Variants in ANKDD1B observed in about 807,000 individuals in gnomAD.
The protein encoded by ANKDD1B is ankyrin repeat and death domain containing 1B, also known as ankyrin repeat and death domain-containing protein 1B.
In ANKDD1B, 57 loss-of-function variants were observed where a neutral mutation model predicts 59.7. The observed-to-expected ratio is 0.95, with a 90% CI of 0.77 to 1.19. ANKDD1B has a LOEUF of 1.19. ANKDD1B is among the 50% of genes most tolerant of loss of function. ANKDD1B has a pLI of 0.00. For synonymous variants in ANKDD1B, 216 were observed against 239.5 expected (o/e 0.90, Z 0.91); for missense variants, 602 against 641.9 (o/e 0.94, Z 0.67).
At chr5:75,666,542 G>A (rs1254687864) in intron 11 of ANKDD1B, among the ~76,000 whole-genome samples, 1 of 151,896 alleles carries the variant, frequency 6.6e-6, no homozygotes, top group Non-Finnish European at 1.5e-5. Context: ...AGCAGCATGG[G>A]ACACAATAGG....
At chr5:75,620,497 C>A in intron 3 of ANKDD1B, 84 bp downstream of exon 3, 1 of 705,000 alleles carries the variant, frequency 1.4e-6, no homozygotes, top group Non-Finnish European at 2.3e-6. Flanking sequence ...ATCTTTTCTT[C>A]ACATACACAC....
At chr5:75,655,737 G>A (rs146774929) in intron 8 of ANKDD1B, among the ~76,000 whole-genome samples, 1 of 152,320 alleles carries the variant, frequency 6.6e-6, no homozygotes, top group East Asian at 1.9e-4. Context: ...TCCTGAGAAT[G>A]AGTTTGTTCA....
At chr5:75,636,959 T>C (rs1165340573) in intron 7 of ANKDD1B, among the ~76,000 whole-genome samples, 2 of 151,728 alleles carry the variant, frequency 1.3e-5, no homozygotes, top group African/African-American at 4.8e-5. Flanking sequence ...TGGAAACTGG[T>C]TCTGGAGCCG....
chr5:75,659,304 G>A lies in ANKDD1B; in HGVS notation c.1018G>A (p.Val340Ile). 6.5e-7 allele frequency: 1 copy of A among 1,535,992 alleles called. No individual in the cohort carries two copies. The highest frequency in any genetic ancestry group is 8.7e-7 in the Non-Finnish European group (1 of 1,146,798). ...LNQKQQTPLH[V>I]AADRGNVELV... is the part of the protein sequence containing the mutation. ...GCAGAAGCAGCAAACCCCTCTGCAT[G>A]TAGCTGCTGATCGTGGAAATGTGGA... is the stretch of plus-strand genomic sequence containing the variant. Residue 340 changes from valine (V) to isoleucine (I), a missense_variant, in exon 10 of 14, where the codon GTA becomes ATA. By Grantham distance (29) the Val-to-Ile change is conservative. Coordinates refer to ENST00000601380, the MANE Select transcript of ANKDD1B (RefSeq NM_001276713.2).
chr5:75,664,070 T>C (rs1179787632), intron 11 of ANKDD1B, among the ~76,000 whole-genome samples: 1 of 152,254 alleles, frequency 6.6e-6, no homozygotes, highest in African/African-American at 2.4e-5. Context: ...TTCAACTCCA[T>C]GCCCTCAGGC....
At chr5:75,631,644 G>A (rs115421371) in intron 5 of ANKDD1B, among the ~76,000 whole-genome samples, 164 of 152,210 alleles carry the variant, frequency 1.1e-3, no homozygotes, top group Non-Finnish European at 2.0e-3. Context: ...TCATCTGGGG[G>A]TCCAAAGACA....
chr5:75,611,583 T>TCTGGGTCCGAGTCTGGGTCTGGCC lies in ANKDD1B; in HGVS notation c.-48_-25dup, dbSNP rs1311059224. The TCTGGGTCCGAGTCTGGGTCTGGCC allele has an allele frequency of 2.4e-4, 255 of 1,084,194 alleles. No individual in the cohort carries two copies. The African/African-American group carries it at 3.9e-3, about 17-fold the overall frequency. 67.2% of individuals were successfully genotyped at this position (1,084,194 alleles called of 1,614,324 possible). A position where few individuals can be genotyped will look rare whatever the true frequency, so the allele number is the denominator to read the frequency against. On this transcript the variant is annotated 5_prime_UTR_variant, in exon 1 of 14. Transcript: ENST00000601380. ...ATCTGTGTCCGAGTCTGGGTCTGGA[T>TCTGGGTCCGAGTCTGGGTCTGGCC]CTGGGTCCGAGTCTGGGTCTGGCCC... is the stretch of plus-strand genomic sequence containing the variant.
At chr5:75,667,024 G>A in intron 12 of ANKDD1B, 31 bp downstream of exon 12, 1 of 1,358,650 alleles carries the variant, frequency 7.4e-7, no homozygotes, top group South Asian at 1.7e-5. Context: ...GTGGGCAGGA[G>A]GAATTCACTG....
chr5:75,615,667 CCT>C (rs1491224183), intron 1 of ANKDD1B, among the ~76,000 whole-genome samples: 3 of 131,574 alleles, frequency 2.3e-5, no homozygotes, highest in Admixed American at 1.4e-4. Flanking sequence ...CCTGGTCTTC[CCT>C]GTGTGTGTGT....
At chr5:75,656,871 G>A (rs924421469) in intron 9 of ANKDD1B, among the ~76,000 whole-genome samples, 1 of 152,226 alleles carries the variant, frequency 6.6e-6, no homozygotes, top group Admixed American at 6.5e-5. Flanking sequence ...GGTGCAGTGG[G>A]CATGCCTGCC....
Position 75,635,957 on chromosome 5 carries a change from T to C in ANKDD1B, c.798+75T>C, listed in dbSNP as rs138737623. ...GGAGGAATGGCTTTCAAGAAAAGAG[T>C]GGGAGGAAAACAAAGGTGTTAGTGC... On this transcript the variant is annotated intron_variant, in intron 7 of 13. Coordinates refer to ENST00000601380, the MANE Select transcript of ANKDD1B (RefSeq NM_001276713.2). The C allele has an allele frequency of 1.5e-4, 142 of 938,164 alleles. No homozygotes were observed. In the African/African-American group the frequency reaches 2.2e-3, roughly 14 times the overall value. 58.1% of individuals were successfully genotyped at this position (938,164 alleles called of 1,614,324 possible).
intron 12 of ANKDD1B, among the ~76,000 whole-genome samples, chr5:75,667,349 T>C (rs930118155): frequency 1.3e-5 from 2 of 152,240 alleles, no homozygotes; most frequent in Non-Finnish European, 2.9e-5. Context: ...GAAGCCAATC[T>C]GATTTCTATG....
At position 75,625,939 on chromosome 5, in the gene ANKDD1B, T is replaced by G. The variant is rs777185520; in HGVS notation, c.584T>G (p.Leu195Arg). 2 of 1,535,690 alleles carry G rather than the reference T, an allele frequency of 1.3e-6. No individual in the cohort carries two copies. The highest frequency in any genetic ancestry group is 2.4e-5 in the South Asian group (2 of 84,050). ...YLIQDLHLKD[L>R]NQPDEKGRKP... ...ATTCAAGATCTGCACCTCAAGGACC[T>G]GAACCAGCCTGATGAGGTGTGTTCA... Residue 195 changes from leucine to arginine, a missense_variant, in exon 5 of 14, where the codon CTG (leucine) becomes CGG (arginine). Around this residue, in one of 3 missense-constraint regions of ANKDD1B, gnomAD observed 317 missense variants for 304.6 expected, o/e 1.04. Transcript: ENST00000601380.
chr5:75,660,179 T>C (rs1209427930), intron 10 of ANKDD1B, among the ~76,000 whole-genome samples: 2 of 152,220 alleles, frequency 1.3e-5, no homozygotes, highest in African/African-American at 2.4e-5. Flanking sequence ...ATATTCACAT[T>C]GTTATGCAAT....
chr5:75,655,196 G>A (rs1006251916), intron 8 of ANKDD1B, among the ~76,000 whole-genome samples: 8 of 152,202 alleles, frequency 5.3e-5, no homozygotes, highest in African/African-American at 1.9e-4. Flanking sequence ...AGCAGGGCTG[G>A]GTAAGAAGCC....
At chr5:75,618,052 ATATCC>A (rs1773758255) in intron 2 of ANKDD1B, among the ~76,000 whole-genome samples, 1 of 152,046 alleles carries the variant, frequency 6.6e-6, no homozygotes, top group Non-Finnish European at 1.5e-5. Flanking sequence ...TGTTCCATAG[ATATCC>A]TAGAATAGGA....
chr5:75,613,696 T>A (rs1561428873), intron 1 of ANKDD1B, among the ~76,000 whole-genome samples: 1 of 152,118 alleles, frequency 6.6e-6, no homozygotes, highest in Non-Finnish European at 1.5e-5. Flanking sequence ...ACTAGGGAAA[T>A]GTAGAGGCTA....
chr5:75,663,538 A>G (rs1007428729), intron 11 of ANKDD1B, 49 bp downstream of exon 11: 2 of 1,437,706 alleles, frequency 1.4e-6, no homozygotes, highest in Non-Finnish European at 1.9e-6. Flanking sequence ...GGCAACACCC[A>G]TCTTCTTGCA....
At chr5:75,667,315 A>T (rs898233717) in intron 12 of ANKDD1B, among the ~76,000 whole-genome samples, 4 of 152,216 alleles carry the variant, frequency 2.6e-5, no homozygotes, top group African/African-American at 9.6e-5. Context: ...GCAAGCAAGG[A>T]TTTAACAGTT....
Sources: allele counts gnomAD v4.1 joint callset (sites outside exome capture counted in the v4.1 genomes callset), GRCh38; gene constraint gnomAD v4.1.1; regional missense constraint gnomAD v4.1.1; transcripts MANE v1.5; gene names NCBI Gene and HGNC (gene_info 2026-07-23, HGNC 2026-07-21).